Variants in METTL25B observed in about 807,000 individuals in gnomAD.
METTL25B encodes methyltransferase-like protein 25B.
Under a neutral mutation model 48.4 loss-of-function variants are expected in METTL25B, and 38 were observed. The ratio of observed to expected loss-of-function variants is 0.78; its 90% CI spans 0.61 to 1.03. The LOEUF (loss-of-function observed/expected upper bound fraction) is 1.03, where lower values mean the gene tolerates loss of function less well. Ranked by LOEUF, METTL25B falls within the 50% of genes least tolerant of loss-of-function variation. The probability of loss-of-function intolerance (pLI) is 0.00; values close to 1 mark genes in which losing one functional copy is unlikely to be tolerated. For synonymous variants in METTL25B, 230 were observed against 254.5 expected (o/e 0.90, Z 0.92); for missense variants, 537 against 603.7 (o/e 0.89, Z 1.16).
chr1:156,729,274 C>A, intron 1 of METTL25B, 59 bp downstream of exon 1: 3 of 948,894 alleles, frequency 3.2e-6, no homozygotes, highest in Admixed American at 3.7e-5. Flanking sequence ...TAGGTGCCCA[C>A]GTCAGGGAGA....
rs199774133 is a variant in METTL25B at position 156,732,474 on chromosome 1, G to A, written c.429+1G>A. ...GCATGAGATCCGGAGGCTGGGAGAG[G>A]TGAGGAGATGGCTGGAGCATGGGTG... On this transcript the variant is annotated splice_donor_variant, in intron 3 of 7. Transcript: ENST00000368216. LOFTEE classifies it high-confidence loss of function. The A allele has an allele frequency of 6.2e-7, 1 of 1,612,908 alleles. No homozygotes were observed. Among genetic ancestry groups the A allele is most frequent in the Non-Finnish European group, 8.5e-7 (1 of 1,179,978 alleles).
At position 156,735,747 on chromosome 1, in the gene METTL25B, C is replaced by T. The variant is rs772426850; in HGVS notation, c.1144C>T (p.Arg382Ter). Residue 382 changes from arginine to a stop codon, truncating the protein, a stop_gained, in exon 7 of 8, where the codon CGA (arginine) becomes TGA (stop). Coordinates refer to ENST00000368216, the MANE Select transcript of METTL25B (RefSeq NM_015997.4). LOFTEE classifies it high-confidence loss of function. ...IEEYVQRGLQ[R>*]VGLDPQLPLN... ...CAGATATGTGCAGCGGGGGCTACAG[C>T]GAGTGGGGCTAGATCCCCAGCTGCC... The T allele has an allele frequency of 1.1e-5, 17 of 1,610,320 alleles. No homozygotes were observed. The highest frequency in any genetic ancestry group is 2.2e-5 in the East Asian group (1 of 44,592).
At chr1:156,733,890 AT>A in intron 5 of METTL25B, 118 bp from the exon 6 acceptor site, 1 of 1,403,620 alleles carries the variant, frequency 7.1e-7, no homozygotes, top group Non-Finnish European at 9.6e-7. Context: ...CACCCACCTT[AT>A]CTCCCACATT....
intron 6 of METTL25B, among the ~76,000 whole-genome samples, chr1:156,735,182 C>G (rs187710998): frequency 1.3e-5 from 2 of 151,308 alleles, no homozygotes; most frequent in African/African-American, 2.4e-5. Flanking sequence ...CCAGCTACTC[C>G]GGAGGCTGAG....
At chr1:156,733,666 C>T (rs972430110) in intron 5 of METTL25B, 146 bp downstream of exon 5, 6 of 853,866 alleles carry the variant, frequency 7.0e-6, no homozygotes, top group African/African-American at 1.7e-5. Flanking sequence ...CCAAGGTTGC[C>T]CTTTCCCCAG....
intron 1 of METTL25B, 46 bp from the exon 2 acceptor site, chr1:156,731,945 T>G (rs1649323210): frequency 6.2e-7 from 1 of 1,611,482 alleles, no homozygotes; most frequent in Non-Finnish European, 8.5e-7. Context: ...TGGGAAAGAA[T>G]GGGAGTGGTA....
At chr1:156,729,274 C>G (rs1024407390) in intron 1 of METTL25B, 59 bp downstream of exon 1, 17 of 948,894 alleles carry the variant, frequency 1.8e-5, no homozygotes, top group Middle Eastern at 2.1e-4. Context: ...TAGGTGCCCA[C>G]GTCAGGGAGA....
At chr1:156,733,356 C>A (rs747217128) in intron 4 of METTL25B, 21 bp from the exon 5 acceptor site, 5 of 1,613,848 alleles carry the variant, frequency 3.1e-6, no homozygotes, top group Non-Finnish European at 4.2e-6. Context: ...AGGGCTGTTT[C>A]CATCCTCCTC....
rs1256407317 is a variant in METTL25B at position 156,730,028 on chromosome 1, C to A, written c.111+813C>A. Among the ~76,000 whole-genome samples the A allele has an allele frequency of 8.6e-4, 131 of 152,168 alleles. 3 individuals are homozygous for A. The highest frequency in any genetic ancestry group is 1.5e-5 in the Non-Finnish European group (1 of 68,026). On this transcript the variant is annotated intron_variant, in intron 1 of 7. Coordinates refer to ENST00000368216, the MANE Select transcript of METTL25B (RefSeq NM_015997.4). The stretch of plus-strand genomic sequence containing the variant: ...CATTTGTCCCCACCTCCGTTGCTGC[C>A]ACCCTAGGCCAAGCCACCATCACCT...
chr1:156,736,394 T>C (rs11579062), intron 7 of METTL25B: 1 of 440,270 alleles, frequency 2.3e-6, no homozygotes, highest in African/African-American at 2.0e-5. Flanking sequence ...CAGCCTCTGG[T>C]GAACCTCTCT....
rs139236626 is a variant in METTL25B at position 156,732,459 on chromosome 1, C to T, written c.415C>T (p.Arg139Trp). The change falls in exon 3 of 8, where the codon CGG becomes TGG. Residue 139 changes from arginine to tryptophan, a missense_variant. Transcript: ENST00000368216. ...HVRPKKQHEIRRLGELVKKLS... is the reference protein window; with the variant it reads ...HVRPKKQHEIWRLGELVKKLS... ...CAGGCCCAAGAAGCAGCATGAGATC[C>T]GGAGGCTGGGAGAGGTGAGGAGATG... is the stretch of plus-strand genomic sequence containing the variant. 27 of 1,613,718 alleles carry T rather than the reference C, an allele frequency of 1.7e-5. No individual in the cohort carries two copies. The highest frequency in any genetic ancestry group is 8.0e-5 in the African/African-American group (6 of 75,040).
rs992732238 is a variant in METTL25B at position 156,733,152 on chromosome 1, C to T, written c.492+105C>T. 2.6e-5 allele frequency: 33 copies of T among 1,246,532 alleles called. No individual in the cohort carries two copies. In the East Asian group the frequency reaches 4.7e-4, roughly 18 times the overall value. The allele number at this position is 1,246,532 out of a possible 1,614,324, so 77.2% of individuals were successfully genotyped here. A position where few individuals can be genotyped will look rare whatever the true frequency, so the allele number is the denominator to read the frequency against. On this transcript the variant is annotated intron_variant, in intron 4 of 7. Coordinates refer to ENST00000368216, the MANE Select transcript of METTL25B (RefSeq NM_015997.4). Reference sequence around the variant, plus strand: ...GCCCAGCGAGGCAGGTGTCAAGAAGCGTGGAATTTTTTTTTTCTCTTTGCA... The same window carrying T: ...GCCCAGCGAGGCAGGTGTCAAGAAGTGTGGAATTTTTTTTTTCTCTTTGCA...
intron 1 of METTL25B, among the ~76,000 whole-genome samples, chr1:156,730,375 G>T (rs1305858251): frequency 6.6e-6 from 1 of 152,190 alleles, no homozygotes; most frequent in Non-Finnish European, 1.5e-5. Flanking sequence ...TTCCGCCACA[G>T]AAAGGCAATC....
At chr1:156,732,856 G>C (rs1649414467) in intron 3 of METTL25B, 129 bp from the exon 4 acceptor site, 2 of 786,706 alleles carry the variant, frequency 2.5e-6, no homozygotes, top group South Asian at 3.4e-5. Context: ...TTCCAAATCT[G>C]TCTTCACATC....
rs1649867264 is a variant in METTL25B, at chr1:156,736,959, C to T, written c.*206C>T. 1 of 560,372 alleles carries T rather than the reference C, an allele frequency of 1.8e-6. No individual in the cohort carries two copies. 34.7% of individuals were successfully genotyped at this position (560,372 alleles called of 1,614,324 possible). ...AAAAATTGGATATCTGTTTCCTTCC[C>T]ATTTCTGTAGGTAGATAAAAGGAGA... is the stretch of plus-strand genomic sequence containing the variant. On this transcript the variant is annotated 3_prime_UTR_variant, in exon 8 of 8. Transcript: ENST00000368216.
chr1:156,729,626 C>A, intron 1 of METTL25B: 1 of 165,988 alleles, frequency 6.0e-6, no homozygotes, highest in Non-Finnish European at 1.3e-5. Flanking sequence ...TGGAGCATGT[C>A]AGGTGTTCCA....
intron 6 of METTL25B, 121 bp from the exon 7 acceptor site, chr1:156,735,604 A>T: frequency 4.0e-6 from 1 of 250,432 alleles, no homozygotes; most frequent in Non-Finnish European, 6.6e-6. Context: ...ATGTTCATGA[A>T]AACGCATATT....
intron 5 of METTL25B, chr1:156,733,730 ATGTATACTTCTCACTACC>A: frequency 1.5e-6 from 1 of 655,724 alleles, no homozygotes; most frequent in East Asian, 2.7e-5. Flanking sequence ...TTCCACACCA[ATGTATACTTCTCACTACC>A]TGTGAAGTGG....
At chr1:156,733,355 T>A (rs552912567) in intron 4 of METTL25B, 22 bp from the exon 5 acceptor site, 1 of 1,613,874 alleles carries the variant, frequency 6.2e-7, no homozygotes, top group Non-Finnish European at 8.5e-7. Context: ...CAGGGCTGTT[T>A]CCATCCTCCT....
Sources: gnomAD v4.1 joint callset for allele counts (sites outside exome capture counted in the v4.1 genomes callset) on GRCh38, gnomAD v4.1.1 for gene constraint, MANE v1.5 for transcripts, NCBI Gene and HGNC (gene_info 2026-07-23, HGNC 2026-07-21) for gene names.